TANC2: variants seen among roughly 807,000 people sequenced by gnomAD.
TANC2 encodes protein TANC2.
In TANC2, 26 loss-of-function variants were observed where a neutral mutation model predicts 210.5. That is an observed-to-expected ratio of 0.12 (90% CI 0.09 to 0.17). The LOEUF is 0.17. Among genes scored for constraint, TANC2 ranks in the 10% least tolerant of loss-of-function variants. The probability of loss-of-function intolerance (pLI) is 1.00; values close to 1 mark genes in which losing one functional copy is unlikely to be tolerated. For synonymous variants in TANC2, 931 were observed against 967.1 expected, an observed-to-expected ratio of 0.96 and a Z score of 0.69; for missense variants, 2,129 against 2,608.9, an observed-to-expected ratio of 0.82 and a Z score of 4.01.
intron 5 of TANC2, among the ~76,000 whole-genome samples, chr17:63,177,694 T>G (rs1429881169): frequency 6.6e-6 from 1 of 152,160 alleles, no homozygotes; most frequent in Non-Finnish European, 1.5e-5. Context: ...GCTCTAGCAT[T>G]CAAGTTGAGC....
intron 5 of TANC2, among the ~76,000 whole-genome samples, chr17:63,174,241 C>A (rs2040501635): frequency 6.6e-6 from 1 of 152,222 alleles, no homozygotes; most frequent in South Asian, 2.1e-4. Flanking sequence ...CTGGTATACT[C>A]TTTCAATTCT....
At chr17:63,018,778 C>T (rs1257122465) in intron 2 of TANC2, among the ~76,000 whole-genome samples, 2 of 152,162 alleles carry the variant, frequency 1.3e-5, no homozygotes, top group African/African-American at 2.4e-5. Flanking sequence ...TTTATCACTT[C>T]AAGAATGTTA....
intron 7 of TANC2, among the ~76,000 whole-genome samples, chr17:63,235,269 T>A (rs1044712781): frequency 4.6e-5 from 7 of 152,156 alleles, no homozygotes; most frequent in Non-Finnish European, 1.0e-4. Context: ...AATATAATTT[T>A]CTCTGCTTTC....
intron 4 of TANC2, among the ~76,000 whole-genome samples, chr17:63,138,846 C>CAT (rs1024636844): frequency 6.6e-6 from 1 of 152,228 alleles, no homozygotes; most frequent in African/African-American, 2.4e-5. Flanking sequence ...TCTGTATTGA[C>CAT]ATACCACACT....
At chr17:63,237,745 A>G in intron 7 of TANC2, 69 bp from the exon 8 acceptor site, 1 of 1,428,158 alleles carries the variant, frequency 7.0e-7, no homozygotes, top group Non-Finnish European at 9.3e-7. Context: ...TGTTTTTATC[A>G]ACTTTGTCAA....
intron 2 of TANC2, among the ~76,000 whole-genome samples, chr17:63,054,838 G>C (rs2144436063): frequency 6.6e-6 from 1 of 152,270 alleles, no homozygotes; most frequent in South Asian, 2.1e-4. Flanking sequence ...GTTCATACCT[G>C]AATAGTAAAA....
chr17:63,242,236 C>T (rs1312290920), intron 8 of TANC2, among the ~76,000 whole-genome samples: 2 of 152,040 alleles, frequency 1.3e-5, no homozygotes, highest in African/African-American at 2.4e-5. Context: ...GACTCCTGTA[C>T]TCCTATAAAA....
At chr17:63,416,558 C>T (rs2048867281) in intron 26 of TANC2, among the ~76,000 whole-genome samples, 1 of 152,238 alleles carries the variant, frequency 6.6e-6, no homozygotes, top group African/African-American at 2.4e-5. Context: ...CCATTCCAGA[C>T]CCTAAACCCT....
intron 9 of TANC2, among the ~76,000 whole-genome samples, chr17:63,312,687 A>T (rs752753779): frequency 6.6e-6 from 1 of 152,202 alleles, no homozygotes; most frequent in African/African-American, 2.4e-5. Flanking sequence ...ATACCCAGAT[A>T]ACAAATCTGT....
rs374742762 is a variant in TANC2, at chr17:63,271,546, C to T, written c.1159+3673C>T. On this transcript the variant is annotated intron_variant, in intron 9 of 27. Transcript: ENST00000689528. ...TGGTGGTTTGCTGCACCTATCTACC[C>T]GTCATCTAGGTTTTAAGCCCCGCAT... Among the ~76,000 whole-genome samples the T allele has an allele frequency of 2.4e-4, 36 of 151,516 alleles. No individual in the cohort carries two copies. In the South Asian group the frequency reaches 5.6e-3, roughly 24 times the overall value.
chr17:63,322,553 T>G lies in TANC2; in HGVS notation c.1575+3463T>G, dbSNP rs949084548. 9.2e-5 allele frequency among the ~76,000 whole-genome samples: 14 copies of G among 152,194 alleles called. 1 individual carries two copies. The highest frequency in any genetic ancestry group is 2.9e-4 in the African/African-American group (12 of 41,426). ...AGAAATACACAGATGTTAAAGTGCT[T>G]CCAGCACTTCAGTTATTCAGTCATT... is the stretch of plus-strand genomic sequence containing the variant. On this transcript the variant is annotated intron_variant, in intron 11 of 27. Coordinates refer to ENST00000689528, the Ensembl canonical transcript of TANC2.
chr17:63,247,532 C>G (rs757999348), intron 8 of TANC2, among the ~76,000 whole-genome samples: 5 of 151,368 alleles, frequency 3.3e-5, no homozygotes, highest in Non-Finnish European at 7.4e-5. Flanking sequence ...ATTGTTACAT[C>G]TGTAGACTAG....
At chr17:63,196,962 A>G (rs1425522406) in intron 6 of TANC2, among the ~76,000 whole-genome samples, 1 of 152,188 alleles carries the variant, frequency 6.6e-6, no homozygotes, top group East Asian at 1.9e-4. Flanking sequence ...CTATGCTCTT[A>G]ACAGCCACAC....
chr17:63,296,316 T>C (rs777607838), intron 9 of TANC2, among the ~76,000 whole-genome samples: 1 of 151,722 alleles, frequency 6.6e-6, no homozygotes, highest in Non-Finnish European at 1.5e-5. Flanking sequence ...ACTGAGATAA[T>C]AGAAGAGAGA....
At chr17:63,231,324 G>C (rs533191480) in intron 7 of TANC2, among the ~76,000 whole-genome samples, 28 of 152,230 alleles carry the variant, frequency 1.8e-4, no homozygotes, top group African/African-American at 6.5e-4. Context: ...TTATTTTGCA[G>C]GCTTGTTGAT....
chr17:63,023,570 T>C (rs2034434762), intron 2 of TANC2, among the ~76,000 whole-genome samples: 1 of 152,204 alleles, frequency 6.6e-6, no homozygotes, highest in Non-Finnish European at 1.5e-5. Context: ...TGGGACTTGC[T>C]TGGGGCTGAT....
intron 1 of TANC2, among the ~76,000 whole-genome samples, chr17:62,981,401 T>C (rs1024231301): frequency 3.3e-5 from 5 of 152,092 alleles, no homozygotes; most frequent in African/African-American, 1.2e-4. Context: ...CTGTAATTCT[T>C]CCTCTTTTCT....
intron 11 of TANC2, among the ~76,000 whole-genome samples, chr17:63,329,441 A>G (rs1262468249): frequency 1.3e-5 from 2 of 152,170 alleles, no homozygotes; most frequent in African/African-American, 4.8e-5. Context: ...TTTTTTACCT[A>G]TCAACTAGCA....
rs193269248 is a variant in TANC2 at position 63,376,300 on chromosome 17, G to A, written c.2583-3418G>A. 2.1e-4 allele frequency among the ~76,000 whole-genome samples: 32 copies of A among 151,982 alleles called. No individual in the cohort carries two copies. The East Asian group carries it at 5.4e-3, about 26-fold the overall frequency. On this transcript the variant is annotated intron_variant, in intron 14 of 27. Coordinates refer to ENST00000689528, the Ensembl canonical transcript of TANC2. ...ATACAAAAAAAAAAAAAAATTAGCC[G>A]GGCATGGTGGCAGGCGCCTGTAGTC...
Sources: gnomAD v4.1 joint callset for allele counts (sites outside exome capture counted in the v4.1 genomes callset) on GRCh38, gnomAD v4.1.1 for gene constraint, MANE v1.5 for transcripts, NCBI Gene and HGNC (gene_info 2026-07-23, HGNC 2026-07-21) for gene names.